The following ANO5 variants were observed in gnomAD, a reference collection of about 807,000 sequenced individuals.
ANO5 encodes anoctamin-5.
ANO5 carries 109 observed loss-of-function variants against 121.0 expected under a neutral mutation model. That is an observed-to-expected ratio of 0.90 (90% CI 0.77 to 1.06). The LOEUF is 1.06. Among genes scored for constraint, ANO5 ranks in the 50% least tolerant of loss-of-function variants. ANO5 has a pLI of 0.00. For missense variants in ANO5, 1,064 were observed against 1,078.5 expected, an observed-to-expected ratio of 0.99 and a Z score of 0.19; for synonymous variants, 406 against 359.9, an observed-to-expected ratio of 1.13 and a Z score of -1.45.
At chr11:22,227,263 C>G (rs373650980) in intron 6 of ANO5, 39 bp from the exon 7 acceptor site, 17 of 1,607,530 alleles carry the variant, frequency 1.1e-5, no homozygotes, top group Admixed American at 6.7e-5. Context: ...ACAAACTGAT[C>G]AGTAAGCTTT....
Position 22,209,220 on chromosome 11 carries a change from T to C in ANO5, c.88-2044T>C, listed in dbSNP as rs1168379821. On this transcript the variant is annotated intron_variant, in intron 2 of 21. Coordinates refer to ENST00000324559, the MANE Select transcript of ANO5 (RefSeq NM_213599.3). Reference sequence around the variant, plus strand: ...ATTTACAATTAGTATGAGTCCATCATTGGACATTGTTACAGTCTTGTTGGA... The same window carrying C: ...ATTTACAATTAGTATGAGTCCATCACTGGACATTGTTACAGTCTTGTTGGA... Among the ~76,000 whole-genome samples, 3 of 151,994 alleles carry C rather than the reference T, an allele frequency of 2.0e-5. No homozygotes were observed. The East Asian group carries it at 5.8e-4, about 29-fold the overall frequency.
chr11:22,279,689 G>T lies in ANO5; in HGVS notation c.2666G>T (p.Gly889Val). The T allele has an allele frequency of 6.2e-7, 1 of 1,612,742 alleles. No individual in the cohort carries two copies. Among genetic ancestry groups the T allele is most frequent in the Non-Finnish European group, 8.5e-7 (1 of 1,179,098 alleles). ...CTCAACAAATTAAAAGAGAACTTGG[G>T]AATTAATTCTAATGAATTTGCCAAG... The part of the protein sequence containing the change: ...FELNKLKENL[G>V]INSNEFAKHV... The change falls in exon 22 of 22, where the codon GGA becomes GTA. Residue 889 changes from glycine (G) to valine (V), a missense_variant. Transcript: ENST00000324559.
At chr11:22,259,062 G>A (rs1854098951) in intron 14 of ANO5, among the ~76,000 whole-genome samples, 1 of 150,808 alleles carries the variant, frequency 6.6e-6, no homozygotes, top group South Asian at 2.1e-4. Flanking sequence ...GAACCTGGAA[G>A]GCGGAGCTTG....
Position 22,193,276 on chromosome 11 carries a change from G to T in ANO5, c.-217G>T, listed in dbSNP as rs73479393. On this transcript the variant is annotated 5_prime_UTR_variant, in exon 1 of 22. Transcript: ENST00000324559. ...GGGTCGAGTGGAAGTACCCGCCGGA[G>T]AGGAAGGCCGGCTGGCTGTGGCGCC... 16,161 of 1,175,138 alleles carry T rather than the reference G, an allele frequency of 0.014. 1,551 individuals are homozygous for T. The African/African-American group carries it at 0.23, about 17-fold the overall frequency. 72.8% of individuals were successfully genotyped at this position (1,175,138 alleles called of 1,614,324 possible).
intron 7 of ANO5, among the ~76,000 whole-genome samples, chr11:22,230,730 T>TAA (rs766557570): frequency 1.3e-5 from 2 of 152,008 alleles, no homozygotes; most frequent in South Asian, 2.1e-4. Context: ...GGTCCTCTCC[T>TAA]AAGTATCCCT....
chr11:22,218,196 TA>T, intron 3 of ANO5, 49 bp from the exon 4 acceptor site: 1 of 1,608,214 alleles, frequency 6.2e-7, no homozygotes, highest in Non-Finnish European at 8.5e-7. Flanking sequence ...TTGGAATCTT[TA>T]CTGTAATTCT....
chr11:22,236,063 A>C (rs892457191), intron 7 of ANO5, 100 bp from the exon 8 acceptor site: 4 of 783,170 alleles, frequency 5.1e-6, no homozygotes, highest in African/African-American at 3.4e-5. Context: ...TAGAGCCTGT[A>C]TCTACATTCA....
At chr11:22,194,851 TA>T (rs1301397229) in intron 1 of ANO5, among the ~76,000 whole-genome samples, 1 of 152,266 alleles carries the variant, frequency 6.6e-6, no homozygotes, top group African/African-American at 2.4e-5. Context: ...GGATTTGTGT[TA>T]TTTCCACTTT....
At chr11:22,205,537 CAAAATAAAAT>C (rs66490106) in intron 2 of ANO5, among the ~76,000 whole-genome samples, 110,944 of 147,872 alleles carry the variant, frequency 0.75, 41,839 homozygotes, top group South Asian at 0.79. Context: ...CAGGCTGTCT[CAAAATAAAAT>C]AAAATAAAAT....
intron 18 of ANO5, among the ~76,000 whole-genome samples, chr11:22,270,802 A>C (rs2133780262): frequency 6.6e-6 from 1 of 152,264 alleles, no homozygotes; most frequent in South Asian, 2.1e-4. Flanking sequence ...AGATAGAATA[A>C]GTAGCCTGGA....
chr11:22,228,719 A>G (rs1271422441), intron 7 of ANO5, among the ~76,000 whole-genome samples: 2 of 151,960 alleles, frequency 1.3e-5, no homozygotes, highest in Non-Finnish European at 2.9e-5. Flanking sequence ...TAGATTCCAC[A>G]TATGGCTGAG....
At position 22,257,734 on chromosome 11, in the gene ANO5, G is replaced by A. The variant is rs776193177; in HGVS notation, c.1387G>A (p.Gly463Arg). ...YTRIPWYFLSGATVTLWMSLV... is the reference protein window; with the variant it reads ...YTRIPWYFLSRATVTLWMSLV... Reference sequence around the variant, plus strand: ...GCGTATTCCATGGTACTTTCTTTCAGGAGCCACAGTGACATTATGGGTGAG... The same window carrying A: ...GCGTATTCCATGGTACTTTCTTTCAAGAGCCACAGTGACATTATGGGTGAG... Residue 463 changes from glycine (G) to arginine (R), a missense_variant, in exon 14 of 22, where the codon GGA (glycine) becomes AGA (arginine). Transcript: ENST00000324559. 25 of 1,611,998 alleles carry A rather than the reference G, an allele frequency of 1.6e-5. No homozygotes were observed. The Admixed American group carries it at 3.7e-4, about 24-fold the overall frequency.
chr11:22,218,225 T>A (rs1209286243), intron 3 of ANO5, 21 bp from the exon 4 acceptor site: 1 of 1,613,272 alleles, frequency 6.2e-7, no homozygotes, highest in Middle Eastern at 1.7e-4. Context: ...AAGTGCTAAT[T>A]CTTTATTGGT....
intron 1 of ANO5, among the ~76,000 whole-genome samples, chr11:22,193,872 T>G (rs1431689427): frequency 6.6e-6 from 1 of 152,164 alleles, no homozygotes; most frequent in Non-Finnish European, 1.5e-5. Context: ...GCTGCAGTGC[T>G]TGGGTCTCCG....
chr11:22,193,219 G>A lies in ANO5; in HGVS notation c.-274G>A, dbSNP rs537371636. The A allele has an allele frequency of 3.0e-6, 4 of 1,341,032 alleles. No individual in the cohort carries two copies. The highest frequency in any genetic ancestry group is 3.8e-6 in the Non-Finnish European group (4 of 1,039,100). The allele number at this position is 1,341,032 out of a possible 1,614,324, so 83.1% of individuals were successfully genotyped here. The stretch of plus-strand genomic sequence containing the variant: ...ACCGGCTGAGGGTGGGGAAGCGCAG[G>A]GCCAAGCGCGCGAAGCAGGTTGTGG... On this transcript the variant is annotated 5_prime_UTR_variant, in exon 1 of 22. Coordinates refer to ENST00000324559, the MANE Select transcript of ANO5 (RefSeq NM_213599.3).
At chr11:22,219,734 T>A (rs896055073) in intron 4 of ANO5, among the ~76,000 whole-genome samples, 1 of 152,000 alleles carries the variant, frequency 6.6e-6, no homozygotes, top group Non-Finnish European at 1.5e-5. Flanking sequence ...TGATTTATAA[T>A]CAAAGTATAG....
chr11:22,236,534 T>G (rs1462031238), intron 8 of ANO5, among the ~76,000 whole-genome samples: 1 of 152,198 alleles, frequency 6.6e-6, no homozygotes. Flanking sequence ...GAACCCATTT[T>G]GAAAATAGCA....
chr11:22,236,783 G>A (rs946720773), intron 8 of ANO5, among the ~76,000 whole-genome samples: 1 of 152,174 alleles, frequency 6.6e-6, no homozygotes, highest in African/African-American at 2.4e-5. Context: ...AATAAAGCAT[G>A]TGTACAACTG....
At chr11:22,197,801 G>A (rs1003245436) in intron 1 of ANO5, among the ~76,000 whole-genome samples, 19 of 152,090 alleles carry the variant, frequency 1.2e-4, no homozygotes, top group African/African-American at 4.6e-4. Flanking sequence ...CACAGTGATT[G>A]GTACCAAATC....
Sources: gnomAD v4.1 joint callset for allele counts (sites outside exome capture counted in the v4.1 genomes callset) on GRCh38, gnomAD v4.1.1 for gene constraint, MANE v1.5 for transcripts, NCBI Gene and HGNC (gene_info 2026-07-23, HGNC 2026-07-21) for gene names.